Variants in PLEKHB2 observed in about 807,000 individuals in gnomAD.
The protein encoded by PLEKHB2 is pleckstrin homology domain containing B2.
In PLEKHB2, 31 loss-of-function variants were observed where a neutral mutation model predicts 36.5. That is an observed-to-expected ratio of 0.85 (90% CI 0.64 to 1.15). PLEKHB2 has a LOEUF of 1.15. PLEKHB2 is among the 50% of genes most tolerant of loss of function. PLEKHB2 has a pLI of 0.00. For missense variants in PLEKHB2, 262 were observed against 295.3 expected (o/e 0.89, Z 0.83); for synonymous variants, 119 against 112.0 (o/e 1.06, Z -0.39).
intron 6 of PLEKHB2, among the ~76,000 whole-genome samples, chr2:131,136,302 A>G (rs1380209495): frequency 6.7e-6 from 1 of 149,262 alleles, no homozygotes; most frequent in Non-Finnish European, 1.5e-5. Context: ...TCATTAGCTC[A>G]CTTCAGCCTG....
intron 4 of PLEKHB2, among the ~76,000 whole-genome samples, chr2:131,129,241 C>T (rs548455036): frequency 6.8e-5 from 9 of 132,602 alleles, no homozygotes; most frequent in East Asian, 5.3e-4. Flanking sequence ...AGGAGAATGG[C>T]GTGAACCTGG....
chr2:131,105,710 C>G (rs1335775620), intron 1 of PLEKHB2, among the ~76,000 whole-genome samples: 1 of 152,148 alleles, frequency 6.6e-6, no homozygotes, highest in Non-Finnish European at 1.5e-5. Flanking sequence ...CGGCGTCCGC[C>G]TCCGGTCCTT....
At chr2:131,121,866 G>C (rs1696550760) in intron 2 of PLEKHB2, among the ~76,000 whole-genome samples, 1 of 151,946 alleles carries the variant, frequency 6.6e-6, no homozygotes, top group Non-Finnish European at 1.5e-5. Flanking sequence ...TTATCTCTGA[G>C]GCTGTCACTC....
At chr2:131,127,480 A>G (rs957417912) in intron 4 of PLEKHB2, among the ~76,000 whole-genome samples, 10 of 152,194 alleles carry the variant, frequency 6.6e-5, no homozygotes, top group African/African-American at 2.4e-4. Flanking sequence ...TCCATATGCA[A>G]ATATCCTATT....
chr2:131,137,308 A>G (rs1651924620), intron 6 of PLEKHB2, among the ~76,000 whole-genome samples: 1 of 152,204 alleles, frequency 6.6e-6, no homozygotes, highest in Non-Finnish European at 1.5e-5. Context: ...GGAGGCTGAA[A>G]GCCCAAGGTC....
At chr2:131,117,506 C>A (rs1020548656) in intron 1 of PLEKHB2, among the ~76,000 whole-genome samples, 3 of 152,164 alleles carry the variant, frequency 2.0e-5, no homozygotes, top group Non-Finnish European at 4.4e-5. Context: ...TCACTGTGTC[C>A]TGTAACCGCC....
intron 6 of PLEKHB2, among the ~76,000 whole-genome samples, chr2:131,134,065 A>AGTGT (rs1697988569): frequency 6.7e-6 from 1 of 150,210 alleles, no homozygotes; most frequent in South Asian, 2.1e-4. Context: ...ACGCCCGGCT[A>AGTGT]ATTTTTTGTA....
At chr2:131,130,674 G>T in intron 4 of PLEKHB2, 47 bp from the exon 5 acceptor site, 1 of 1,346,216 alleles carries the variant, frequency 7.4e-7, no homozygotes. Context: ...CAGAATCATT[G>T]CAATGTTGGA....
intron 1 of PLEKHB2, 25 bp from the exon 2 acceptor site, chr2:131,120,909 G>T (rs1214215057): frequency 2.5e-6 from 4 of 1,612,798 alleles, no homozygotes; most frequent in South Asian, 1.1e-5. Context: ...GTATGATTTT[G>T]AACCTGCCTG....
intron 1 of PLEKHB2, among the ~76,000 whole-genome samples, chr2:131,107,135 C>G (rs1403973231): frequency 6.6e-6 from 1 of 152,192 alleles, no homozygotes; most frequent in Non-Finnish European, 1.5e-5. Flanking sequence ...TGCCTTCTTA[C>G]TGTTTGTCTA....
intron 6 of PLEKHB2, among the ~76,000 whole-genome samples, chr2:131,136,834 ATTC>A: frequency 6.6e-6 from 1 of 151,904 alleles, no homozygotes; most frequent in East Asian, 1.9e-4. Flanking sequence ...ATTGGCATTA[ATTC>A]TTCTTTAAAA....
At chr2:131,133,325 T>C (rs1697909753) in intron 6 of PLEKHB2, among the ~76,000 whole-genome samples, 1 of 152,164 alleles carries the variant, frequency 6.6e-6, no homozygotes, top group South Asian at 2.1e-4. Context: ...CAGAAAAAAA[T>C]GCTATATTTT....
chr2:131,122,341 C>T (rs186273795), intron 2 of PLEKHB2, among the ~76,000 whole-genome samples: 1 of 152,186 alleles, frequency 6.6e-6, no homozygotes, highest in Admixed American at 6.5e-5. Context: ...TGATTCTAGT[C>T]AAAAACTGAG....
intron 1 of PLEKHB2, among the ~76,000 whole-genome samples, chr2:131,111,559 C>T (rs1436367700): frequency 1.3e-5 from 2 of 149,732 alleles, no homozygotes; most frequent in Non-Finnish European, 3.0e-5. Flanking sequence ...GGCACTATCT[C>T]GGCTCACTGC....
intron 1 of PLEKHB2, 137 bp from the exon 2 acceptor site, chr2:131,120,797 G>A (rs1164194559): frequency 6.3e-6 from 5 of 792,104 alleles, no homozygotes; most frequent in Non-Finnish European, 1.1e-5. Context: ...TTTGTTAAAT[G>A]CCAGGGGGGC....
intron 1 of PLEKHB2, among the ~76,000 whole-genome samples, chr2:131,109,631 A>T (rs7596371): frequency 0.028 from 4,243 of 152,158 alleles, 192 homozygotes; most frequent in African/African-American, 0.096. Flanking sequence ...CGATGGGTGC[A>T]GTGAGCCAAG....
chr2:131,131,757 C>CT (rs370767683), intron 5 of PLEKHB2, among the ~76,000 whole-genome samples: 3,060 of 145,334 alleles, frequency 0.021, 100 homozygotes, highest in African/African-American at 0.075. Flanking sequence ...TGAAAATCCC[C>CT]CTTTTTTTTT....
intron 1 of PLEKHB2, among the ~76,000 whole-genome samples, chr2:131,112,366 T>G (rs1412103419): frequency 6.6e-6 from 1 of 152,218 alleles, no homozygotes; most frequent in Non-Finnish European, 1.5e-5. Context: ...GTAATACCCT[T>G]TATAATAAAC....
chr2:131,137,095 T>C (rs148552557), intron 6 of PLEKHB2, among the ~76,000 whole-genome samples: 2,744 of 151,666 alleles, frequency 0.018, 86 homozygotes, highest in African/African-American at 0.047. Context: ...TACAGGCGCC[T>C]GCCACCACAC....
Sources: allele counts gnomAD v4.1 joint callset (sites outside exome capture counted in the v4.1 genomes callset), GRCh38; gene constraint gnomAD v4.1.1; transcripts MANE v1.5; gene names NCBI Gene and HGNC (gene_info 2026-07-23, HGNC 2026-07-21).